Variants in PPP3R1 observed in about 807,000 individuals in gnomAD.
PPP3R1 encodes the protein protein phosphatase 3 regulatory subunit B, alpha, also known as calcineurin subunit B type 1.
A neutral mutation model predicts 22.6 loss-of-function variants in PPP3R1; 5 were observed. That is an observed-to-expected ratio of 0.22 (90% CI 0.12 to 0.46). PPP3R1 has a LOEUF of 0.46. Among genes scored for constraint, PPP3R1 ranks in the 20% least tolerant of loss-of-function variants. The pLI is 0.99. For missense variants in PPP3R1, 61 were observed against 203.2 expected (o/e 0.30, Z 4.25); for synonymous variants, 56 against 65.2 (o/e 0.86, Z 0.68).
intron 1 of PPP3R1, among the ~76,000 whole-genome samples, chr2:68,237,889 G>C (rs1670047383): frequency 6.6e-6 from 1 of 152,016 alleles, no homozygotes; most frequent in Non-Finnish European, 1.5e-5. Flanking sequence ...ATCAGCTTAG[G>C]TAAACAAAGG....
At chr2:68,213,781 A>G (rs1244192638) in intron 2 of PPP3R1, among the ~76,000 whole-genome samples, 1 of 152,218 alleles carries the variant, frequency 6.6e-6, no homozygotes, top group Non-Finnish European at 1.5e-5. Context: ...ATTCAATGCT[A>G]TTTCTATTTA....
chr2:68,180,070 A>C lies in PPP3R1; in HGVS notation c.*893T>G, dbSNP rs1200721528. Reference sequence around the variant, plus strand: ...GTATTCTTCAGTAAGTGATACATACAATCAATCATGATTGCCTCAGACAGC... The same window carrying C: ...GTATTCTTCAGTAAGTGATACATACCATCAATCATGATTGCCTCAGACAGC... On this transcript the variant is annotated 3_prime_UTR_variant, in exon 6 of 6. Transcript: ENST00000234310. 1 of 152,228 alleles carries C rather than the reference A, an allele frequency of 6.6e-6. No individual in the cohort carries two copies. The highest frequency in any genetic ancestry group is 2.4e-5 in the African/African-American group (1 of 41,464). The allele number at this position is 152,228 out of a possible 1,614,324, so 9.4% of individuals were successfully genotyped here. A position where few individuals can be genotyped will look rare whatever the true frequency, so the allele number is the denominator to read the frequency against.
chr2:68,191,357 T>C (rs1674664787), intron 2 of PPP3R1, among the ~76,000 whole-genome samples: 1 of 152,162 alleles, frequency 6.6e-6, no homozygotes, highest in African/African-American at 2.4e-5. Flanking sequence ...ATGCTAAATA[T>C]CTGTGTATCT....
intron 5 of PPP3R1, among the ~76,000 whole-genome samples, chr2:68,185,325 A>G (rs755631990): frequency 1.8e-4 from 27 of 149,756 alleles, no homozygotes; most frequent in Non-Finnish European, 3.3e-4. Flanking sequence ...ATTTCTATAT[A>G]TAAAAGATAT....
chr2:68,232,944 A>G (rs775218215), intron 1 of PPP3R1, among the ~76,000 whole-genome samples: 4 of 152,184 alleles, frequency 2.6e-5, no homozygotes, highest in Non-Finnish European at 5.9e-5. Context: ...CCTGTAATAC[A>G]TATCACAAAG....
chr2:68,239,704 C>G lies in PPP3R1; in HGVS notation c.3+12421G>C, dbSNP rs1281587621. The stretch of plus-strand genomic sequence containing the variant: ...AAAAAACAAGGAATTTGTGCATTCA[C>G]TCAAGAAATATTTAATGAATTTCTA... On this transcript the variant is annotated intron_variant, in intron 1 of 5. Coordinates refer to ENST00000234310, the MANE Select transcript of PPP3R1 (RefSeq NM_000945.4). Among the ~76,000 whole-genome samples, 4 of 152,274 alleles carry G rather than the reference C, an allele frequency of 2.6e-5. No homozygotes were observed. The East Asian group carries it at 7.7e-4, about 29-fold the overall frequency.
intron 2 of PPP3R1, among the ~76,000 whole-genome samples, chr2:68,202,428 T>C (rs904844186): frequency 1.4e-5 from 2 of 145,250 alleles, no homozygotes; most frequent in Non-Finnish European, 3.1e-5. Context: ...GTTGTTGTTG[T>C]TGTTGTTGTT....
At chr2:68,239,689 G>A (rs1418146181) in intron 1 of PPP3R1, among the ~76,000 whole-genome samples, 1 of 152,130 alleles carries the variant, frequency 6.6e-6, no homozygotes, top group Non-Finnish European at 1.5e-5. Flanking sequence ...AAAAAACAAG[G>A]AATTTGTGCA....
intron 1 of PPP3R1, among the ~76,000 whole-genome samples, chr2:68,234,171 G>C (rs964320863): frequency 6.6e-6 from 1 of 151,978 alleles, no homozygotes; most frequent in African/African-American, 2.4e-5. Flanking sequence ...GTGAAACCCC[G>C]TCTCTAGTAA....
intron 2 of PPP3R1, among the ~76,000 whole-genome samples, chr2:68,192,448 GATA>G (rs1203987128): frequency 7.2e-5 from 11 of 152,116 alleles, no homozygotes; most frequent in Admixed American, 6.6e-5. Context: ...AATGTAGTAT[GATA>G]ATATTTATGC....
chr2:68,218,691 G>A (rs886370575), intron 1 of PPP3R1, among the ~76,000 whole-genome samples: 3 of 147,718 alleles, frequency 2.0e-5, no homozygotes, highest in South Asian at 4.2e-4. Flanking sequence ...AGAGCATACC[G>A]GTATTTTATT....
At chr2:68,224,213 T>C (rs1669740770) in intron 1 of PPP3R1, among the ~76,000 whole-genome samples, 2 of 152,206 alleles carry the variant, frequency 1.3e-5, no homozygotes, top group East Asian at 1.9e-4. Context: ...ATGATCTGCA[T>C]ATAGAAGACA....
At position 68,252,262 on chromosome 2, in the gene PPP3R1, G is replaced by A; in HGVS notation, c.-135C>T. On this transcript the variant is annotated 5_prime_UTR_variant, in exon 1 of 6. Coordinates refer to ENST00000234310, the MANE Select transcript of PPP3R1 (RefSeq NM_000945.4). ...CGGCGGGGAGGGGGCGCGCGTGGGGGAGGGGAGGCGGCGCCGCGGGGCCCG... is the reference window on the plus strand; with the variant it reads ...CGGCGGGGAGGGGGCGCGCGTGGGGAAGGGGAGGCGGCGCCGCGGGGCCCG... 1 of 1,061,820 alleles carries A rather than the reference G, an allele frequency of 9.4e-7. No individual in the cohort carries two copies. The highest frequency in any genetic ancestry group is 1.1e-6 in the Non-Finnish European group (1 of 880,354). 65.8% of individuals were successfully genotyped at this position (1,061,820 alleles called of 1,614,324 possible). A position where few individuals can be genotyped will look rare whatever the true frequency, so the allele number is the denominator to read the frequency against.
At chr2:68,216,135 G>A (rs1669574615) in intron 2 of PPP3R1, among the ~76,000 whole-genome samples, 1 of 151,990 alleles carries the variant, frequency 6.6e-6, no homozygotes, top group Non-Finnish European at 1.5e-5. Context: ...CCATTAACGG[G>A]TACCATCAAA....
At chr2:68,238,393 C>A (rs779303287) in intron 1 of PPP3R1, among the ~76,000 whole-genome samples, 3 of 151,930 alleles carry the variant, frequency 2.0e-5, no homozygotes, top group Non-Finnish European at 2.9e-5. Flanking sequence ...GTTTGCCAGA[C>A]AGAGAAAGGG....
intron 2 of PPP3R1, among the ~76,000 whole-genome samples, chr2:68,189,171 AT>A (rs1447310597): frequency 1.3e-5 from 2 of 152,212 alleles, no homozygotes; most frequent in Non-Finnish European, 2.9e-5. Context: ...TGACTCAAAA[AT>A]TCAAAGGGTA....
chr2:68,191,762 C>G (rs575967671), intron 2 of PPP3R1, among the ~76,000 whole-genome samples: 252 of 152,256 alleles, frequency 1.7e-3, no homozygotes, highest in Non-Finnish European at 2.7e-3. Context: ...ATAAGCACAT[C>G]AACTACACAA....
chr2:68,203,888 CAG>C (rs2103749895), intron 2 of PPP3R1, among the ~76,000 whole-genome samples: 2 of 152,318 alleles, frequency 1.3e-5, no homozygotes, highest in South Asian at 4.1e-4. Context: ...GAGGTTCCTT[CAG>C]AGTCTGCCAA....
At chr2:68,197,518 GGTTAA>G (rs1284858672) in intron 2 of PPP3R1, among the ~76,000 whole-genome samples, 11 of 152,116 alleles carry the variant, frequency 7.2e-5, no homozygotes, top group East Asian at 5.8e-4. Flanking sequence ...TGGGTCACAG[GGTTAA>G]GTTTTCAGAA....
Sources: gnomAD v4.1 joint callset for allele counts (sites outside exome capture counted in the v4.1 genomes callset) on GRCh38, gnomAD v4.1.1 for gene constraint, MANE v1.5 for transcripts, NCBI Gene and HGNC (gene_info 2026-07-23, HGNC 2026-07-21) for gene names.